The following PCDHA3 variants were observed in gnomAD, a reference collection of about 807,000 sequenced individuals.
PCDHA3 encodes protocadherin alpha 3.
PCDHA3 carries 41 observed loss-of-function variants against 62.2 expected under a neutral mutation model. That is an observed-to-expected ratio of 0.66 (90% CI 0.51 to 0.86). The LOEUF (loss-of-function observed/expected upper bound fraction) is 0.86, where lower values mean the gene tolerates loss of function less well. PCDHA3 is among the 40% of genes least tolerant of loss of function. PCDHA3 has a pLI of 0.00. For missense variants in PCDHA3, 1,304 were observed against 1,241.2 expected (o/e 1.05, Z -0.76); for synonymous variants, 640 against 555.4 (o/e 1.15, Z -2.14).
chr5:141,006,504 C>T (rs911793343), intron 3 of PCDHA3, among the ~76,000 whole-genome samples: 4 of 152,022 alleles, frequency 2.6e-5, no homozygotes, highest in East Asian at 1.9e-4. Flanking sequence ...TGAGCCACCG[C>T]GCCTGGCTGT....
At chr5:140,869,899 G>T in intron 1 of PCDHA3, 1 of 1,610,464 alleles carries the variant, frequency 6.2e-7, no homozygotes, top group South Asian at 1.1e-5. Flanking sequence ...CAAACTAAAC[G>T]CCACAGACCG....
chr5:140,834,672 G>T, intron 1 of PCDHA3: 1 of 1,614,242 alleles, frequency 6.2e-7, no homozygotes, highest in Non-Finnish European at 8.5e-7. Flanking sequence ...GGAGCTGTGC[G>T]GGCGGAGCGC....
At chr5:140,982,984 G>A (rs558088522) in intron 3 of PCDHA3, among the ~76,000 whole-genome samples, 11 of 151,694 alleles carry the variant, frequency 7.3e-5, no homozygotes, top group Non-Finnish European at 1.5e-4. Flanking sequence ...GAAAGAAAGA[G>A]AAAAAGAAGG....
chr5:140,882,745 T>C (rs782756975), intron 1 of PCDHA3: 1 of 1,614,124 alleles, frequency 6.2e-7, no homozygotes, highest in Non-Finnish European at 8.5e-7. Flanking sequence ...GCGCATCCGA[T>C]GCAGATATTG....
chr5:140,898,548 T>C (rs1445483717), intron 1 of PCDHA3, among the ~76,000 whole-genome samples: 2 of 152,252 alleles, frequency 1.3e-5, no homozygotes, highest in Non-Finnish European at 2.9e-5. Context: ...CATTTATCTA[T>C]GTCTCTGTTT....
chr5:140,808,939 G>T (rs1168359860), intron 1 of PCDHA3: 2 of 1,613,726 alleles, frequency 1.2e-6, no homozygotes, highest in East Asian at 4.5e-5. Flanking sequence ...TGCCATGGTC[G>T]GTGGGTGTGG....
chr5:140,920,841 TAA>T (rs781921146), intron 1 of PCDHA3, among the ~76,000 whole-genome samples: 15 of 109,130 alleles, frequency 1.4e-4, no homozygotes, highest in Admixed American at 1.9e-4. Flanking sequence ...AGACCAAATC[TAA>T]AAAAAAAAAA....
At position 140,803,124 on chromosome 5, in the gene PCDHA3, C is replaced by G. The variant is rs142727818; in HGVS notation, c.1927C>G (p.Pro643Ala). The G allele has an allele frequency of 1.2e-6, 2 of 1,613,836 alleles. No homozygotes were observed. Among genetic ancestry groups the G allele is most frequent in the Non-Finnish European group, 1.7e-6 (2 of 1,179,936 alleles). ...TTRALDEVDA[P>A]RHRLLVLVKD... ...CCGTGCCCTGGACGAGGTGGACGCC[C>G]CGCGCCATCGCCTACTGGTGCTGGT... The change falls in exon 1 of 4, where the codon CCG becomes GCG. Residue 643 changes from proline (P) to alanine (A), a missense_variant. Physicochemically the swap from Pro to Ala is conservative, Grantham distance 27. Coordinates refer to ENST00000522353, the MANE Select transcript of PCDHA3 (RefSeq NM_018906.3).
chr5:140,984,599 C>T (rs1415361733), intron 3 of PCDHA3, among the ~76,000 whole-genome samples: 1 of 152,162 alleles, frequency 6.6e-6, no homozygotes, highest in Non-Finnish European at 1.5e-5. Context: ...TCAATACATA[C>T]CTCTGCATCA....
intron 1 of PCDHA3, chr5:140,857,908 G>T (rs782073504): frequency 6.3e-7 from 1 of 1,597,722 alleles, no homozygotes; most frequent in South Asian, 1.1e-5. Flanking sequence ...CACGCATCCC[G>T]TTTCGCGTGG....
chr5:140,884,734 C>G, intron 1 of PCDHA3: 1 of 1,445,332 alleles, frequency 6.9e-7, no homozygotes. Flanking sequence ...TTTAAGACAT[C>G]TTTCCTGCCA....
intron 1 of PCDHA3, among the ~76,000 whole-genome samples, chr5:140,891,303 T>C (rs1007949282): frequency 6.6e-6 from 1 of 152,178 alleles, no homozygotes; most frequent in Non-Finnish European, 1.5e-5. Flanking sequence ...GGTATTTGAT[T>C]ACATGAGTAA....
chr5:140,927,536 G>A (rs1227240979), intron 1 of PCDHA3: 3 of 1,614,138 alleles, frequency 1.9e-6, no homozygotes, highest in Non-Finnish European at 2.5e-6. Context: ...GCCCGCTCAG[G>A]AGACGCACAA....
At chr5:140,881,070 T>C (rs1461614506) in intron 1 of PCDHA3, among the ~76,000 whole-genome samples, 6 of 152,208 alleles carry the variant, frequency 3.9e-5, no homozygotes, top group Non-Finnish European at 8.8e-5. Flanking sequence ...CAGATAATTA[T>C]TGGAGCTATG....
intron 1 of PCDHA3, chr5:140,967,436 C>A (rs781894469): frequency 1.2e-6 from 2 of 1,613,378 alleles, no homozygotes; most frequent in Non-Finnish European, 8.5e-7. Flanking sequence ...AGCCTTGCAC[C>A]ACCTGGTTCT....
intron 1 of PCDHA3, chr5:140,854,600 AT>A (rs2043170892): frequency 6.7e-6 from 1 of 150,110 alleles, no homozygotes; most frequent in African/African-American, 2.4e-5. Context: ...GTTTAAAGTA[AT>A]TGACACATTT....
chr5:140,842,478 C>T (rs449407), intron 1 of PCDHA3: 1 of 1,613,928 alleles, frequency 6.2e-7, no homozygotes, highest in East Asian at 2.2e-5. Flanking sequence ...GGGCAGGTGA[C>T]CTGCTCCCTG....
At chr5:140,836,195 C>A (rs2150255060) in intron 1 of PCDHA3, 3 of 1,613,858 alleles carry the variant, frequency 1.9e-6, no homozygotes, top group Admixed American at 1.7e-5. Context: ...CAGGCTACAA[C>A]GCGTGGCTTT....
At chr5:140,927,780 T>C (rs1189193877) in intron 1 of PCDHA3, 5 of 1,614,090 alleles carry the variant, frequency 3.1e-6, no homozygotes, top group African/African-American at 1.3e-5. Flanking sequence ...TGCAAGTAGC[T>C]GCTTCACTAG....
Sources: gnomAD v4.1 joint callset for allele counts (sites outside exome capture counted in the v4.1 genomes callset) on GRCh38, gnomAD v4.1.1 for gene constraint, MANE v1.5 for transcripts, NCBI Gene and HGNC (gene_info 2026-07-23, HGNC 2026-07-21) for gene names.